Variants in SGPP2 observed in about 807,000 individuals in gnomAD.
The protein encoded by SGPP2 is sphingosine 1-phosphate phosphohydrolase 2.
Under a neutral mutation model 33.9 loss-of-function variants are expected in SGPP2, and 30 were observed. That is an observed-to-expected ratio of 0.89 (90% CI 0.66 to 1.20). SGPP2 has a LOEUF of 1.20. SGPP2 is among the 50% of genes most tolerant of loss of function. SGPP2 has a pLI of 0.00. For missense variants in SGPP2, 458 were observed against 532.1 expected (o/e 0.86, Z 1.37); for synonymous variants, 233 against 225.0 (o/e 1.04, Z -0.32).
At chr2:222,496,429 C>G (rs1055120508) in intron 2 of SGPP2, among the ~76,000 whole-genome samples, 2 of 152,198 alleles carry the variant, frequency 1.3e-5, no homozygotes, top group African/African-American at 2.4e-5. Flanking sequence ...TCCATTCAGG[C>G]CTGCGTCATC....
chr2:222,467,736 A>G (rs1229892401), intron 1 of SGPP2, among the ~76,000 whole-genome samples: 1 of 152,020 alleles, frequency 6.6e-6, no homozygotes, highest in Non-Finnish European at 1.5e-5. Flanking sequence ...TTGAATCTTA[A>G]CATTATCTTA....
chr2:222,536,863 T>C (rs1698923309), intron 4 of SGPP2, among the ~76,000 whole-genome samples: 1 of 152,126 alleles, frequency 6.6e-6, no homozygotes, highest in South Asian at 2.1e-4. Context: ...GTTCCAATAG[T>C]GGAATAAAAA....
chr2:222,523,327 C>T (rs1292718396), intron 3 of SGPP2, among the ~76,000 whole-genome samples: 1 of 152,234 alleles, frequency 6.6e-6, no homozygotes, highest in Non-Finnish European at 1.5e-5. Context: ...TCTGAATTAA[C>T]TTAGTGCAGG....
intron 2 of SGPP2, among the ~76,000 whole-genome samples, chr2:222,502,009 T>C (rs1698374888): frequency 6.6e-6 from 1 of 152,230 alleles, no homozygotes; most frequent in African/African-American, 2.4e-5. Flanking sequence ...ACCAGAGTTT[T>C]AAGAAAAGTC....
At chr2:222,442,966 T>A (rs1697348439) in intron 1 of SGPP2, among the ~76,000 whole-genome samples, 1 of 152,200 alleles carries the variant, frequency 6.6e-6, no homozygotes, top group African/African-American at 2.4e-5. Flanking sequence ...AAATATTGAA[T>A]CATGACATTA....
At chr2:222,557,828 G>A (rs1371263516) in intron 4 of SGPP2, among the ~76,000 whole-genome samples, 1 of 152,150 alleles carries the variant, frequency 6.6e-6, no homozygotes, top group Non-Finnish European at 1.5e-5. Flanking sequence ...GAAGAACTTT[G>A]GTGCTACCAC....
chr2:222,455,194 AC>A lies in SGPP2; in HGVS notation c.220-19368del, dbSNP rs199633917. ...AGACCAGCCTGGACAACATAGTGAG[AC>A]CCCCCACCACTCCAATCTCTTTAAA... is the stretch of plus-strand genomic sequence containing the variant. On this transcript the variant is annotated intron_variant, in intron 1 of 4. Coordinates refer to ENST00000321276, the MANE Select transcript of SGPP2 (RefSeq NM_152386.4). Among the ~76,000 whole-genome samples, 1,382 of 145,924 alleles carry A rather than the reference AC, an allele frequency of 9.5e-3. 14 individuals carry two copies. The highest frequency in any genetic ancestry group is 0.028 in the African/African-American group (1,085 of 39,432).
At chr2:222,528,276 G>C (rs1307748625) in intron 4 of SGPP2, among the ~76,000 whole-genome samples, 1 of 152,132 alleles carries the variant, frequency 6.6e-6, no homozygotes, top group Admixed American at 6.5e-5. Flanking sequence ...GTGACATCCA[G>C]GCCTAACTCA....
intron 1 of SGPP2, among the ~76,000 whole-genome samples, chr2:222,438,880 AT>A (rs1237985353): frequency 1.3e-5 from 2 of 152,066 alleles, no homozygotes; most frequent in African/African-American, 2.4e-5. Flanking sequence ...AATGGCTTCC[AT>A]TTGGCCTTTC....
chr2:222,445,752 C>A (rs1697389121), intron 1 of SGPP2, among the ~76,000 whole-genome samples: 2 of 152,162 alleles, frequency 1.3e-5, no homozygotes, highest in African/African-American at 4.8e-5. Context: ...TTATTCTGTG[C>A]CTGCTCTGTA....
intron 4 of SGPP2, among the ~76,000 whole-genome samples, chr2:222,534,767 A>G (rs752674585): frequency 5.9e-5 from 9 of 152,200 alleles, no homozygotes; most frequent in Non-Finnish European, 1.2e-4. Flanking sequence ...CTATGTTAGT[A>G]TGTCACTGTT....
At position 222,561,030 on chromosome 2, in the gene SGPP2, G is replaced by C. The variant is rs188747321; in HGVS notation, c.*2132G>C. 1 of 151,882 alleles carries C rather than the reference G, an allele frequency of 6.6e-6. No individual in the cohort carries two copies. The highest frequency in any genetic ancestry group is 1.5e-5 in the Non-Finnish European group (1 of 68,034). 9.4% of individuals were successfully genotyped at this position (151,882 alleles called of 1,614,324 possible). A position where few individuals can be genotyped will look rare whatever the true frequency, so the allele number is the denominator to read the frequency against. On this transcript the variant is annotated 3_prime_UTR_variant, in exon 5 of 5. Coordinates refer to ENST00000321276, the MANE Select transcript of SGPP2 (RefSeq NM_152386.4). ...TGAGGCAGGAGAATGGCGTGAACCC[G>C]GTGAGCGGAGCTTGCAGTGAGCCGA...
At chr2:222,512,565 G>A (rs576583011) in intron 2 of SGPP2, among the ~76,000 whole-genome samples, 1 of 152,190 alleles carries the variant, frequency 6.6e-6, no homozygotes, top group South Asian at 2.1e-4. Context: ...GTAGAATGAC[G>A]TGTCTATCCT....
In SGPP2 at chr2:222,505,571, CAT is replaced by C. The variant is rs1447230552; in HGVS notation, c.379-16193_379-16192del. ...AAAGGTATGTCATGAATGCATAAAA[CAT>C]ATGTCAATACTATGTATGTTATTAT... On this transcript the variant is annotated intron_variant, in intron 2 of 4. Coordinates refer to ENST00000321276, the MANE Select transcript of SGPP2 (RefSeq NM_152386.4). Among the ~76,000 whole-genome samples, 3 of 152,152 alleles carry C rather than the reference CAT, an allele frequency of 2.0e-5. No individual in the cohort carries two copies. The East Asian group carries it at 5.8e-4, about 29-fold the overall frequency.
At chr2:222,556,252 A>C (rs1470257342) in intron 4 of SGPP2, among the ~76,000 whole-genome samples, 1 of 152,134 alleles carries the variant, frequency 6.6e-6, no homozygotes, top group African/African-American at 2.4e-5. Context: ...TTTTCTCCCC[A>C]AAATTAAGGC....
intron 2 of SGPP2, among the ~76,000 whole-genome samples, chr2:222,490,936 G>A (rs181726477): frequency 3.3e-5 from 5 of 152,104 alleles, no homozygotes; most frequent in Admixed American, 1.3e-4. Flanking sequence ...GTTATCTATA[G>A]CAACACTTTC....
At chr2:222,479,429 G>T (rs2106101082) in intron 2 of SGPP2, among the ~76,000 whole-genome samples, 2 of 125,386 alleles carry the variant, frequency 1.6e-5, no homozygotes, top group Non-Finnish European at 1.6e-5. Flanking sequence ...TTGAGACAGA[G>T]TATCGCTCTG....
intron 4 of SGPP2, among the ~76,000 whole-genome samples, chr2:222,552,560 A>T (rs907006670): frequency 2.0e-5 from 3 of 152,068 alleles, no homozygotes; most frequent in African/African-American, 7.2e-5. Flanking sequence ...CTCACAAATC[A>T]TCACTAGAGA....
Position 222,477,151 on chromosome 2 carries a change from C to CTG in SGPP2, c.378+2435_378+2436dup, listed in dbSNP as rs772044495. On this transcript the variant is annotated intron_variant, in intron 2 of 4. Coordinates refer to ENST00000321276, the MANE Select transcript of SGPP2 (RefSeq NM_152386.4). This position sits in a 1 kb window ranked among gnomAD's most constrained non-coding sequence, Gnocchi z 6.0. ...TGTGTGTATATAGGTGTGTATATATCTGTGTGTGTGTATAGGTGTGTGTAT... is the reference window on the plus strand; with the variant it reads ...TGTGTGTATATAGGTGTGTATATATCTGTGTGTGTGTGTATAGGTGTGTGTAT... 1.5e-5 allele frequency among the ~76,000 whole-genome samples: 2 copies of CTG among 134,286 alleles called. No homozygotes were observed. Among genetic ancestry groups the CTG allele is most frequent in the Admixed American group, 7.4e-5 (1 of 13,536 alleles). The allele number at this position is 134,286 out of a possible 152,430, so 88.1% of individuals were successfully genotyped here. A position where few individuals can be genotyped will look rare whatever the true frequency, so the allele number is the denominator to read the frequency against.
Sources: allele counts gnomAD v4.1 joint callset (sites outside exome capture counted in the v4.1 genomes callset), GRCh38; gene constraint gnomAD v4.1.1; non-coding constraint Gnocchi (gnomAD v3.1); transcripts MANE v1.5; gene names NCBI Gene and HGNC (gene_info 2026-07-23, HGNC 2026-07-21).